Variants in COL28A1 observed in about 807,000 individuals in gnomAD.
COL28A1 encodes the protein collagen type XXVIII alpha 1 chain, also known as collagen alpha-1(XXVIII) chain.
A neutral mutation model predicts 150.2 loss-of-function variants in COL28A1; 161 were observed. That is an observed-to-expected ratio of 1.07 (90% CI 0.94 to 1.22). COL28A1 has a LOEUF of 1.22. COL28A1 is among the 50% of genes most tolerant of loss of function. The probability of loss-of-function intolerance (pLI) is 0.00; values close to 1 mark genes in which losing one functional copy is unlikely to be tolerated. For missense variants in COL28A1, 1,617 were observed against 1,388.3 expected, an observed-to-expected ratio of 1.16 and a Z score of -2.62; for synonymous variants, 552 against 469.7, an observed-to-expected ratio of 1.18 and a Z score of -2.26.
intron 33 of COL28A1, among the ~76,000 whole-genome samples, chr7:7,369,893 G>A (rs1213464288): frequency 1.3e-5 from 2 of 152,168 alleles, no homozygotes; most frequent in African/African-American, 4.8e-5. Flanking sequence ...TTACAGAACA[G>A]GGGCATGACT....
chr7:7,540,511 G>C (rs2115287419), upstream of COL28A1, among the ~76,000 whole-genome samples: 1 of 152,230 alleles, frequency 6.6e-6, no homozygotes, highest in South Asian at 2.1e-4. Flanking sequence ...CAGATATTAA[G>C]ACCCACCCAA....
At chr7:7,509,913 C>G (rs1345211027) in intron 9 of COL28A1, among the ~76,000 whole-genome samples, 2 of 152,136 alleles carry the variant, frequency 1.3e-5, no homozygotes, top group Non-Finnish European at 2.9e-5. Context: ...AATTACCAAG[C>G]CTACCTTTTG....
chr7:7,514,054 C>T (rs564673334), intron 8 of COL28A1, among the ~76,000 whole-genome samples: 1 of 152,162 alleles, frequency 6.6e-6, no homozygotes, highest in East Asian at 1.9e-4. Context: ...TTGTATTTTC[C>T]AAGTGAGAAC....
At chr7:7,446,762 T>C (rs569901416) in intron 18 of COL28A1, among the ~76,000 whole-genome samples, 1 of 152,322 alleles carries the variant, frequency 6.6e-6, no homozygotes, top group Non-Finnish European at 1.5e-5. Flanking sequence ...TTCCAGGTCA[T>C]AATGCAGGGA....
At chr7:7,443,290 A>G (rs1476786135) in intron 20 of COL28A1, among the ~76,000 whole-genome samples, 1 of 152,188 alleles carries the variant, frequency 6.6e-6, no homozygotes, top group Admixed American at 6.5e-5. Context: ...TCAACGATGT[A>G]TCTCAAGGCT....
At chr7:7,505,545 A>G (rs1340018610) in intron 11 of COL28A1, among the ~76,000 whole-genome samples, 1 of 152,136 alleles carries the variant, frequency 6.6e-6, no homozygotes, top group Non-Finnish European at 1.5e-5. Context: ...GACTGATACT[A>G]CAAGCATGGT....
upstream of COL28A1, among the ~76,000 whole-genome samples, chr7:7,536,705 C>T (rs1782653159): frequency 6.6e-6 from 1 of 152,172 alleles, no homozygotes; most frequent in African/African-American, 2.4e-5. Flanking sequence ...GAAAGCAATA[C>T]AAATGTGCAT....
intron 26 of COL28A1, among the ~76,000 whole-genome samples, chr7:7,418,600 C>G (rs1784231831): frequency 6.6e-6 from 1 of 152,066 alleles, no homozygotes; most frequent in African/African-American, 2.4e-5. Flanking sequence ...GTTGCTTATC[C>G]CAGAAGTTCC....
intron 18 of COL28A1, among the ~76,000 whole-genome samples, chr7:7,446,046 C>T (rs1018456141): frequency 2.0e-5 from 3 of 151,860 alleles, no homozygotes; most frequent in African/African-American, 2.4e-5. Flanking sequence ...TCAGTAGAGA[C>T]GGGCTTTCTC....
At chr7:7,413,630 G>A (rs1021674810) in intron 27 of COL28A1, among the ~76,000 whole-genome samples, 3 of 152,128 alleles carry the variant, frequency 2.0e-5, no homozygotes, top group Non-Finnish European at 4.4e-5. Context: ...AAGAGGCCCA[G>A]CCAACAGAAG....
intron 8 of COL28A1, among the ~76,000 whole-genome samples, chr7:7,514,002 G>A (rs1446773554): frequency 2.0e-5 from 3 of 152,132 alleles, no homozygotes; most frequent in Non-Finnish European, 4.4e-5. Context: ...GTGAAATTCT[G>A]GTTTGAATGT....
At chr7:7,340,307 T>C in the COL28A1 span, among the ~76,000 whole-genome samples, 2 of 152,156 alleles carry the variant, frequency 1.3e-5, no homozygotes, top group Non-Finnish European at 2.9e-5. Flanking sequence ...GTTTGAACTT[T>C]CCAGTGTTCC....
At chr7:7,407,691 TACA>T (rs1015797659) in intron 27 of COL28A1, among the ~76,000 whole-genome samples, 26 of 152,152 alleles carry the variant, frequency 1.7e-4, no homozygotes, top group African/African-American at 5.8e-4. Context: ...TTCTAAAGAA[TACA>T]ATGCAGGCAG....
At chr7:7,442,116 T>C (rs1192262739) in intron 20 of COL28A1, among the ~76,000 whole-genome samples, 1 of 152,152 alleles carries the variant, frequency 6.6e-6, no homozygotes, top group Non-Finnish European at 1.5e-5. Flanking sequence ...ACCACTCTTC[T>C]CCAATAGGCT....
chr7:7,470,855 G>GT (rs1788350282), intron 15 of COL28A1, among the ~76,000 whole-genome samples: 1 of 127,896 alleles, frequency 7.8e-6, no homozygotes, highest in Non-Finnish European at 1.6e-5. Context: ...GTAAACTATC[G>GT]TAAGAACAAA....
chr7:7,453,299 TATCAG>T (rs1562701910), intron 17 of COL28A1, 136 bp downstream of exon 17: 4 of 652,670 alleles, frequency 6.1e-6, no homozygotes, highest in Non-Finnish European at 1.1e-5. Context: ...TTGTCAGGAA[TATCAG>T]TAACATTTTG....
At chr7:7,471,199 A>G (rs1788397346) in intron 15 of COL28A1, among the ~76,000 whole-genome samples, 1 of 151,716 alleles carries the variant, frequency 6.6e-6, no homozygotes, top group Non-Finnish European at 1.5e-5. Flanking sequence ...CTCTTAACAG[A>G]CCAATAACAA....
At chr7:7,518,134 T>C (rs1485069224) in intron 6 of COL28A1, among the ~76,000 whole-genome samples, 2 of 152,198 alleles carry the variant, frequency 1.3e-5, no homozygotes, top group Non-Finnish European at 2.9e-5. Flanking sequence ...TACATCATTA[T>C]ACTCACTTGG....
At chr7:7,477,493 T>G (rs1329692864) in intron 13 of COL28A1, among the ~76,000 whole-genome samples, 1 of 152,180 alleles carries the variant, frequency 6.6e-6, no homozygotes, top group African/African-American at 2.4e-5. Flanking sequence ...CTGGAATTGG[T>G]GGGTTCTTGG....
Sources: allele counts gnomAD v4.1 joint callset (sites outside exome capture counted in the v4.1 genomes callset), GRCh38; gene constraint gnomAD v4.1.1; transcripts MANE v1.5; gene names NCBI Gene and HGNC (gene_info 2026-07-23, HGNC 2026-07-21).